The following POLD1 variants were observed in gnomAD, a reference collection of about 807,000 sequenced individuals.
The protein encoded by POLD1 is DNA polymerase delta 1, catalytic subunit, also known as DNA polymerase delta catalytic subunit.
A neutral mutation model predicts 129.7 loss-of-function variants in POLD1; 79 were observed. The observed-to-expected ratio is 0.61, with a 90% CI of 0.51 to 0.73. The LOEUF (loss-of-function observed/expected upper bound fraction) is 0.73, where lower values mean the gene tolerates loss of function less well. Ranked by LOEUF, POLD1 falls within the 30% of genes least tolerant of loss-of-function variation. POLD1 has a pLI of 0.00. For synonymous variants in POLD1, 714 were observed against 683.3 expected, an observed-to-expected ratio of 1.04 and a Z score of -0.70; for missense variants, 1,338 against 1,595.8, an observed-to-expected ratio of 0.84 and a Z score of 2.75.
chr19:50,401,355 T>TGTG (rs1568617748), intron 3 of POLD1, among the ~76,000 whole-genome samples: 43 of 123,618 alleles, frequency 3.5e-4, no homozygotes, highest in African/African-American at 1.1e-3. Flanking sequence ...GTGTGTGTAT[T>TGTG]TGTGTATATG....
At chr19:50,401,396 T>TATATATAA (rs1555789658) in intron 3 of POLD1, among the ~76,000 whole-genome samples, 5 of 78,730 alleles carry the variant, frequency 6.4e-5, no homozygotes, top group African/African-American at 3.1e-4. Flanking sequence ...TATATATTTT[T>TATATATAA]TTTTTTTTTT....
intron 26 of POLD1, among the ~76,000 whole-genome samples, 159 bp from the exon 27 acceptor site, chr19:50,417,671 TCCCCCCCCCCAC>T (rs1323205533): frequency 9.0e-6 from 1 of 110,508 alleles, no homozygotes; most frequent in Non-Finnish European, 1.8e-5. Flanking sequence ...TGTTATCGGC[TCCCCCCCCCCAC>T]CCCCCCCGTG....
chr19:50,408,690 A>ATTT, intron 14 of POLD1, 95 bp from the exon 15 acceptor site: 2 of 1,148,418 alleles, frequency 1.7e-6, no homozygotes, highest in Non-Finnish European at 2.4e-6. Context: ...CCAATGAATG[A>ATTT]TTTTTTTTTT....
chr19:50,401,589 C>G (rs970989150), intron 3 of POLD1, among the ~76,000 whole-genome samples, 189 bp from the exon 4 acceptor site: 1 of 151,464 alleles, frequency 6.6e-6, no homozygotes, highest in African/African-American at 2.4e-5. Flanking sequence ...TGTAGTTGTG[C>G]TGTGGAGAAT....
chr19:50,398,089 C>T (rs1034677625), intron 1 of POLD1, among the ~76,000 whole-genome samples: 7 of 152,056 alleles, frequency 4.6e-5, no homozygotes, highest in African/African-American at 1.2e-4. Flanking sequence ...AGAGAGCACA[C>T]ACACGACACG....
rs1555790592 is a variant in POLD1, at chr19:50,403,595, A to G, written c.1240A>G (p.Lys414Glu). ...PYLISRAQTL[K>E]VQTFPFLGRV... ...CCTCATCTCTCGGGCCCAGACCCTCAAGGTGAGGGCTGGGCAGGTGGGAGG... is the reference window on the plus strand; with the variant it reads ...CCTCATCTCTCGGGCCCAGACCCTCGAGGTGAGGGCTGGGCAGGTGGGAGG... The change falls in exon 10 of 27, where the codon AAG becomes GAG. Residue 414 changes from lysine (K) to glutamate (E), a missense_variant and splice_region_variant. By Grantham distance (56) the Lys-to-Glu change is moderately conservative. This residue lies in a region of POLD1 where 720 missense variants were observed against 1,002.6 expected (regional missense o/e 0.72). Coordinates refer to ENST00000440232, the MANE Select transcript of POLD1 (RefSeq NM_002691.4). The G allele has an allele frequency of 1.3e-6, 2 of 1,597,508 alleles. No homozygotes were observed. Among genetic ancestry groups the G allele is most frequent in the East Asian group, 4.5e-5 (2 of 44,782 alleles).
chr19:50,399,069 G>A lies in POLD1; in HGVS notation c.202+16G>A, dbSNP rs1301502180. On this transcript the variant is annotated intron_variant, in intron 2 of 26. Transcript: ENST00000440232. ...GTTGCAGACGGTAAGGCTTGGAGTTGGAGGTTCCTGCTGCCCAACCCATTG... is the reference window on the plus strand; with the variant it reads ...GTTGCAGACGGTAAGGCTTGGAGTTAGAGGTTCCTGCTGCCCAACCCATTG... 6.4e-7 allele frequency: 1 copy of A among 1,550,792 alleles called. No homozygotes were observed. The highest frequency in any genetic ancestry group is 8.7e-7 in the Non-Finnish European group (1 of 1,147,156).
Position 50,409,758 on chromosome 19 carries a change from G to C in POLD1, c.2154+92G>C. ...CCATGTGGGGGACCTGTATCCAGAG[G>C]ACTGGGCACCCCAACTCACTGGCCT... On this transcript the variant is annotated intron_variant, in intron 17 of 26. Coordinates refer to ENST00000440232, the MANE Select transcript of POLD1 (RefSeq NM_002691.4). This position sits in a 1 kb window ranked among gnomAD's most constrained non-coding sequence, Gnocchi z 5.8. 7.2e-7 allele frequency: 1 copy of C among 1,386,934 alleles called. No homozygotes were observed. The highest frequency in any genetic ancestry group is 9.8e-7 in the Non-Finnish European group (1 of 1,017,884). The allele number at this position is 1,386,934 out of a possible 1,614,324, so 85.9% of individuals were successfully genotyped here. A position where few individuals can be genotyped will look rare whatever the true frequency, so the allele number is the denominator to read the frequency against.
chr19:50,401,604 C>T (rs576193595), intron 3 of POLD1, among the ~76,000 whole-genome samples, 174 bp from the exon 4 acceptor site: 8 of 151,494 alleles, frequency 5.3e-5, no homozygotes, highest in African/African-American at 1.5e-4. Flanking sequence ...GAGAATGGAT[C>T]CTGGGGGATG....
rs781378096 is a variant in POLD1 at position 50,397,090 on chromosome 19, C to CAA, written c.-1-1745_-1-1744dup. Among the ~76,000 whole-genome samples, 10 of 77,620 alleles carry CAA rather than the reference C, an allele frequency of 1.3e-4. No homozygotes were observed. In the East Asian group the frequency reaches 1.4e-3, roughly 11 times the overall value. The allele number at this position is 77,620 out of a possible 152,430, so 50.9% of individuals were successfully genotyped here. On this transcript the variant is annotated intron_variant, in intron 1 of 26. Coordinates refer to ENST00000440232, the MANE Select transcript of POLD1 (RefSeq NM_002691.4). ...TGGGTGACAGAGCGAGACTCCATCT[C>CAA]AAAAAAAAAAAAAAAAAGAAAACAC... is the stretch of plus-strand genomic sequence containing the variant.
rs201946114 is a variant in POLD1 at position 50,402,656 on chromosome 19, G to C, written c.885G>C (p.Val295=). 3.1e-4 allele frequency: 487 copies of C among 1,592,000 alleles called. No individual in the cohort carries two copies. Among genetic ancestry groups the C allele is most frequent in the Admixed American group, 6.4e-4 (36 of 56,644 alleles). The part of the protein sequence containing the change: ...QLEADVLWSD[V]VSHPPEGPWQ... Reference sequence around the variant, plus strand: ...AGGCGGACGTGCTGTGGTCTGACGTGGTCAGTCACCCACCGGAAGGGCCAT... The same window carrying C: ...AGGCGGACGTGCTGTGGTCTGACGTCGTCAGTCACCCACCGGAAGGGCCAT... The change falls in exon 8 of 27, where the codon GTG becomes GTC. Residue 295 remains valine (V), a synonymous_variant. Transcript: ENST00000440232.
intron 1 of POLD1, among the ~76,000 whole-genome samples, chr19:50,384,809 T>G (rs1054318731): frequency 1.3e-5 from 2 of 152,192 alleles, no homozygotes; most frequent in East Asian, 3.9e-4. Context: ...TTTTAATAGA[T>G]CAGTAAAGCA....
chr19:50,406,644 A>G lies in POLD1; in HGVS notation c.1494+127A>G, dbSNP rs774270186. ...CTTTGACCTGCTGTTATGACCTGTG[A>G]CCTTACCTGACGCCCACTTTTTCCT... On this transcript the variant is annotated intron_variant, in intron 12 of 26. Transcript: ENST00000440232. The surrounding 1 kb of genome is among the most constrained non-coding windows in gnomAD (Gnocchi z 5.5). 26 of 715,070 alleles carry G rather than the reference A, an allele frequency of 3.6e-5. No homozygotes were observed. Among genetic ancestry groups the G allele is most frequent in the Non-Finnish European group, 5.8e-5 (24 of 415,016 alleles). The allele number at this position is 715,070 out of a possible 1,614,324, so 44.3% of individuals were successfully genotyped here.
In POLD1 at chr19:50,409,166, T is replaced by A. The variant is rs767518281; in HGVS notation, c.1937T>A (p.Phe646Tyr). The change falls in exon 16 of 27, where the codon TTT (phenylalanine) becomes TAT (tyrosine). Residue 646 changes from phenylalanine to tyrosine, a missense_variant. Physicochemically the swap from Phe to Tyr is conservative, Grantham distance 22 (BLOSUM62 3). Around this residue, in one of 3 missense-constraint regions of POLD1, gnomAD observed 720 missense variants for 1,002.6 expected, o/e 0.72. Coordinates refer to ENST00000440232, the MANE Select transcript of POLD1 (RefSeq NM_002691.4). The surrounding 1 kb of genome is among the most constrained non-coding windows in gnomAD (Gnocchi z 5.8). ...QFIRTPTGDE[F>Y]VKTSVRKGLL... is the part of the protein sequence containing the mutation. Reference sequence around the variant, plus strand: ...ATCAGGACCCCCACCGGGGACGAGTTTGTGAAGACCTCAGTGCGGAAGGGG... The same window carrying A: ...ATCAGGACCCCCACCGGGGACGAGTATGTGAAGACCTCAGTGCGGAAGGGG... The A allele has an allele frequency of 9.3e-6, 15 of 1,613,810 alleles. 1 individual carries two copies. The South Asian group carries it at 1.4e-4, about 15-fold the overall frequency.
In POLD1 at chr19:50,415,680, C is replaced by CCACCCACCTGCCCT; in HGVS notation, c.2718-35_2718-22dup. 2.7e-6 allele frequency: 4 copies of CCACCCACCTGCCCT among 1,462,746 alleles called. No individual in the cohort carries two copies. In the South Asian group the frequency reaches 4.9e-5, roughly 18 times the overall value. 90.6% of individuals were successfully genotyped at this position (1,462,746 alleles called of 1,614,324 possible). ...TCCTACACCCTCGCCCCCACCCCCG[C>CCACCCACCTGCCCT]CACCCACCTGCCCTCACCCACCCGC... On this transcript the variant is annotated intron_variant, in intron 21 of 26. Coordinates refer to ENST00000440232, the MANE Select transcript of POLD1 (RefSeq NM_002691.4).
At position 50,406,514 on chromosome 19, in the gene POLD1, G is replaced by A. The variant is rs1555791224; in HGVS notation, c.1491G>A (p.Leu497=). Residue 497 remains leucine, a synonymous_variant, in exon 12 of 27, where the codon CTG becomes CTA. Coordinates refer to ENST00000440232, the MANE Select transcript of POLD1 (RefSeq NM_002691.4). The surrounding 1 kb of genome is among the most constrained non-coding windows in gnomAD (Gnocchi z 5.5). ...TGCAGCACAGCATCATCACCGACCT[G>A]CAGGTGCCTGCTGCCTCCCTGACCT... ...EDVQHSIITD[L]QNGNDQTRRR... The A allele has an allele frequency of 6.4e-7, 1 of 1,572,276 alleles. No homozygotes were observed. Among genetic ancestry groups the A allele is most frequent in the African/African-American group, 1.4e-5 (1 of 73,976 alleles).
Position 50,406,391 on chromosome 19 carries a change from C to G in POLD1, c.1384-16C>G, listed in dbSNP as rs1217463460. 4 of 1,606,230 alleles carry G rather than the reference C, an allele frequency of 2.5e-6. No homozygotes were observed. Among genetic ancestry groups the G allele is most frequent in the Non-Finnish European group, 3.4e-6 (4 of 1,175,966 alleles). On this transcript the variant is annotated splice_polypyrimidine_tract_variant and intron_variant, in intron 11 of 26. Coordinates refer to ENST00000440232, the MANE Select transcript of POLD1 (RefSeq NM_002691.4). This position sits in a 1 kb window ranked among gnomAD's most constrained non-coding sequence, Gnocchi z 5.5. ...CTGCCCAGGCCCGCAGCCCACCAGC[C>G]CACCCACCCACCTAGGTGCTGCTGC...
At position 50,409,251 on chromosome 19, in the gene POLD1, C is replaced by A. The variant is rs372942171; in HGVS notation, c.2006+16C>A. The A allele has an allele frequency of 7.7e-6, 12 of 1,554,670 alleles. No homozygotes were observed. In the South Asian group the frequency reaches 7.8e-5, roughly 10 times the overall value. On this transcript the variant is annotated intron_variant, in intron 16 of 26. Coordinates refer to ENST00000440232, the MANE Select transcript of POLD1 (RefSeq NM_002691.4). This position sits in a 1 kb window ranked among gnomAD's most constrained non-coding sequence, Gnocchi z 5.8. ...CCCGGAAGAGGTGAGCCCTGGAGAT[C>A]GCCTGCTTGGAGCTCAGACCTGTTG...
intron 3 of POLD1, 146 bp from the exon 4 acceptor site, chr19:50,401,632 C>T: frequency 1.2e-6 from 1 of 834,952 alleles, no homozygotes; most frequent in South Asian, 1.5e-5. Context: ...AGATGGGAAC[C>T]AGGGGGGAGG....
Sources: gnomAD v4.1 joint callset for allele counts (sites outside exome capture counted in the v4.1 genomes callset) on GRCh38, gnomAD v4.1.1 for gene constraint, gnomAD v4.1.1 regional missense constraint, Gnocchi (gnomAD v3.1) non-coding constraint, MANE v1.5 for transcripts, NCBI Gene and HGNC (gene_info 2026-07-23, HGNC 2026-07-21) for gene names.